Variants in MED8 observed in about 807,000 individuals in gnomAD.
The protein encoded by MED8 is mediator of RNA polymerase II transcription subunit 8.
In MED8, 22 loss-of-function variants were observed where a neutral mutation model predicts 34.8. The ratio of observed to expected loss-of-function variants is 0.63; its 90% CI spans 0.45 to 0.90. MED8 has a LOEUF of 0.90. Among genes scored for constraint, MED8 ranks in the 40% least tolerant of loss-of-function variants. The probability of loss-of-function intolerance (pLI) is 0.00; values close to 1 mark genes in which losing one functional copy is unlikely to be tolerated. For synonymous variants in MED8, 105 were observed against 120.2 expected (o/e 0.87, Z 0.83); for missense variants, 260 against 326.3 (o/e 0.80, Z 1.57).
At chr1:43,385,471 C>A in intron 6 of MED8, 1 of 237,164 alleles carries the variant, frequency 4.2e-6, no homozygotes. Context: ...TCCTAGACAG[C>A]TTGGAGGAAA....
At chr1:43,389,206 C>A (rs561953826) in intron 1 of MED8, 1 of 154,260 alleles carries the variant, frequency 6.5e-6, no homozygotes, top group East Asian at 1.9e-4. Flanking sequence ...TCACCCTTAA[C>A]AACTATAGGG....
At chr1:43,385,885 C>G in intron 6 of MED8, 93 bp downstream of exon 6, 7 of 1,536,448 alleles carry the variant, frequency 4.6e-6, no homozygotes, top group Non-Finnish European at 5.3e-6. Context: ...GAGAAAACCT[C>G]TAGGTCTAGA....
At chr1:43,389,653 C>A in intron 1 of MED8, 106 bp downstream of exon 1, 1 of 1,502,192 alleles carries the variant, frequency 6.7e-7, no homozygotes. Flanking sequence ...GCCGTGGGTT[C>A]TGCCCTCTCT....
chr1:43,388,306 T>C lies in MED8; in HGVS notation c.125+4A>G. The C allele has an allele frequency of 1.2e-6, 2 of 1,612,930 alleles. No individual in the cohort carries two copies. Among genetic ancestry groups the C allele is most frequent in the Non-Finnish European group, 1.7e-6 (2 of 1,179,854 alleles). ...CCTTCCTAGCTTGCCCTGGTAACTC[T>C]TACCAGGTCAGCCGGCCATACTCGT... On this transcript the variant is annotated splice_donor_region_variant and intron_variant, in intron 2 of 6. Transcript: ENST00000372457.
rs1409924147 is a variant in MED8, at chr1:43,386,493, C to A, written c.493+96G>T. 3 of 1,358,658 alleles carry A rather than the reference C, an allele frequency of 2.2e-6. No homozygotes were observed. Among genetic ancestry groups the A allele is most frequent in the Admixed American group, 4.0e-5 (2 of 50,482 alleles). 84.2% of individuals were successfully genotyped at this position (1,358,658 alleles called of 1,614,324 possible). ...GATACAAACCCCAAAGCAGTTCACC[C>A]TTGTGTCCTAACTTCACTACTTCCA... On this transcript the variant is annotated intron_variant, in intron 5 of 6. Transcript: ENST00000372457. The surrounding 1 kb of genome is among the most constrained non-coding windows in gnomAD (Gnocchi z 4.9).
chr1:43,384,641 C>T lies in MED8; in HGVS notation c.*401G>A, dbSNP rs1647662970. ...GCATAGCCTTATTTGATCTTGTGTC[C>T]ATCAGCTCACCATTGACGTGAGGCA... On this transcript the variant is annotated 3_prime_UTR_variant, in exon 7 of 7. Coordinates refer to ENST00000372457, the MANE Select transcript of MED8 (RefSeq NM_201542.5). The T allele has an allele frequency of 1.3e-5, 20 of 1,492,080 alleles. No homozygotes were observed. In the South Asian group the frequency reaches 2.3e-4, roughly 17 times the overall value. The allele number at this position is 1,492,080 out of a possible 1,614,324, so 92.4% of individuals were successfully genotyped here.
chr1:43,387,745 C>A, intron 2 of MED8, 98 bp from the exon 3 acceptor site: 2 of 1,402,862 alleles, frequency 1.4e-6, no homozygotes, highest in Non-Finnish European at 2.0e-6. Flanking sequence ...CACTTGGATT[C>A]ACCTCCAAAA....
Position 43,389,779 on chromosome 1 carries a change from C to A in MED8, c.-15G>T, listed in dbSNP as rs201471507. ...CTCACCTGCATTGCGGCGGCCGAGG[C>A]GGCTGCCACGATTTCACTTCCGGTT... On this transcript the variant is annotated 5_prime_UTR_variant, in exon 1 of 7. Coordinates refer to ENST00000372457, the MANE Select transcript of MED8 (RefSeq NM_201542.5). The A allele has an allele frequency of 7.8e-5, 125 of 1,609,094 alleles. No homozygotes were observed. In the African/African-American group the frequency reaches 1.6e-3, roughly 20 times the overall value.
At chr1:43,389,650 G>A in intron 1 of MED8, 109 bp downstream of exon 1, 1 of 1,495,030 alleles carries the variant, frequency 6.7e-7, no homozygotes, top group Non-Finnish European at 9.0e-7. Context: ...TCAGCCGTGG[G>A]TTCTGCCCTC....
chr1:43,386,337 T>A lies in MED8; in HGVS notation c.494-111A>T. The A allele has an allele frequency of 7.4e-7, 1 of 1,355,456 alleles. No individual in the cohort carries two copies. The highest frequency in any genetic ancestry group is 9.9e-7 in the Non-Finnish European group (1 of 1,009,706). 84.0% of individuals were successfully genotyped at this position (1,355,456 alleles called of 1,614,324 possible). A position where few individuals can be genotyped will look rare whatever the true frequency, so the allele number is the denominator to read the frequency against. ...GTTTGGAGTTCTGAATTCAGCAACATCTAGACTCCCTCACAGCCCAGAAAA... is the reference window on the plus strand; with the variant it reads ...GTTTGGAGTTCTGAATTCAGCAACAACTAGACTCCCTCACAGCCCAGAAAA... On this transcript the variant is annotated intron_variant, in intron 5 of 6. Coordinates refer to ENST00000372457, the MANE Select transcript of MED8 (RefSeq NM_201542.5). This position sits in a 1 kb window ranked among gnomAD's most constrained non-coding sequence, Gnocchi z 4.9.
In MED8 at chr1:43,385,120, TA is replaced by T; in HGVS notation, c.743-15del. ...TTGGCATTTTCCCTGAAAGGAACAT[TA>T]AAAAAGTCATCTTAAGCAAGGTAAG... On this transcript the variant is annotated splice_polypyrimidine_tract_variant and intron_variant, in intron 6 of 6. Coordinates refer to ENST00000372457, the MANE Select transcript of MED8 (RefSeq NM_201542.5). 1 of 1,552,360 alleles carries T rather than the reference TA, an allele frequency of 6.4e-7. No individual in the cohort carries two copies. Among genetic ancestry groups the T allele is most frequent in the South Asian group, 1.2e-5 (1 of 83,988 alleles).
chr1:43,389,727 C>T (rs754893277), intron 1 of MED8, 32 bp downstream of exon 1: 8 of 1,602,684 alleles, frequency 5.0e-6, no homozygotes, highest in Non-Finnish European at 6.8e-6. Flanking sequence ...CCGAAGCTTG[C>T]CAGCCGCTAG....
At chr1:43,389,728 C>T in intron 1 of MED8, 31 bp downstream of exon 1, 7 of 1,603,420 alleles carry the variant, frequency 4.4e-6, no homozygotes, top group Non-Finnish European at 6.0e-6. Context: ...CGAAGCTTGC[C>T]AGCCGCTAGT....
At position 43,386,924 on chromosome 1, in the gene MED8, A is replaced by G; in HGVS notation, c.345T>C (p.Pro115=). The G allele has an allele frequency of 6.2e-7, 1 of 1,614,008 alleles. No homozygotes were observed. The highest frequency in any genetic ancestry group is 8.5e-7 in the Non-Finnish European group (1 of 1,179,894). ...VPDHLRTKPD[P]EVEEQEKQLT... ...GTTGCTTCTCCTGTTCTTCCACTTC[A>G]GGGTCAGGCTTGGTTCTCAGATGGT... Residue 115 remains proline (P), a synonymous_variant, in exon 4 of 7, where the codon CCT becomes CCC. Transcript: ENST00000372457. This position sits in a 1 kb window ranked among gnomAD's most constrained non-coding sequence, Gnocchi z 4.9.
chr1:43,385,605 G>A, intron 6 of MED8: 1 of 284,404 alleles, frequency 3.5e-6, no homozygotes, highest in Admixed American at 5.0e-5. Flanking sequence ...AAACTGGCCT[G>A]CGTGTCAATT....
Position 43,384,582 on chromosome 1 carries a change from A to C in MED8, c.*460T>G. Reference sequence around the variant, plus strand: ...AAAAACAGTGTGCCTCTAAGAACACAGAGGTTGCTACAGTTTCTGGCAGCA... The same window carrying C: ...AAAAACAGTGTGCCTCTAAGAACACCGAGGTTGCTACAGTTTCTGGCAGCA... On this transcript the variant is annotated 3_prime_UTR_variant, in exon 7 of 7. Coordinates refer to ENST00000372457, the MANE Select transcript of MED8 (RefSeq NM_201542.5). The C allele has an allele frequency of 6.3e-7, 1 of 1,578,630 alleles. No individual in the cohort carries two copies. The highest frequency in any genetic ancestry group is 8.6e-7 in the Non-Finnish European group (1 of 1,164,376).
intron 6 of MED8, chr1:43,385,344 T>G (rs922151333): frequency 1.7e-4 from 81 of 487,724 alleles, no homozygotes; most frequent in African/African-American, 1.5e-3. Flanking sequence ...CTAGAACAGA[T>G]AGCTAAACCT....
Position 43,386,272 on chromosome 1 carries a change from G to T in MED8, c.494-46C>A, listed in dbSNP as rs372352786. 1.1e-5 allele frequency: 18 copies of T among 1,587,482 alleles called. No homozygotes were observed. The highest frequency in any genetic ancestry group is 1.5e-5 in the Non-Finnish European group (18 of 1,169,698). ...ATCCTGAAGTATGCTTCTGATGCAG[G>T]ACTGAACGTGGCAGCTGGAAGACCA... On this transcript the variant is annotated intron_variant, in intron 5 of 6. Coordinates refer to ENST00000372457, the MANE Select transcript of MED8 (RefSeq NM_201542.5). This position sits in a 1 kb window ranked among gnomAD's most constrained non-coding sequence, Gnocchi z 4.9.
rs1285122116 is a variant in MED8, at chr1:43,388,321, G to A, written c.114C>T (p.Gly38=). ...CTGGTAACTCTTACCAGGTCAGCCG[G>A]CCATACTCGTTCTCCAACTTGCAAA... ...SFICKLENEY[G]RLTWPSVLDS... The change falls in exon 2 of 7, where the codon GGC becomes GGT. Residue 38 remains glycine, a synonymous_variant. Coordinates refer to ENST00000372457, the MANE Select transcript of MED8 (RefSeq NM_201542.5). 6.2e-7 allele frequency: 1 copy of A among 1,613,182 alleles called. No homozygotes were observed. Among genetic ancestry groups the A allele is most frequent in the South Asian group, 1.1e-5 (1 of 91,082 alleles).
Sources: allele counts gnomAD v4.1 joint callset, GRCh38; gene constraint gnomAD v4.1.1; non-coding constraint Gnocchi (gnomAD v3.1); transcripts MANE v1.5; gene names NCBI Gene and HGNC (gene_info 2026-07-23, HGNC 2026-07-21).